The following RUNDC3B variants were observed in gnomAD, a reference collection of about 807,000 sequenced individuals.
RUNDC3B encodes RUN domain-containing protein 3B.
RUNDC3B carries 33 observed loss-of-function variants against 58.4 expected under a neutral mutation model. The ratio of observed to expected loss-of-function variants is 0.56; its 90% CI spans 0.43 to 0.75. The LOEUF is 0.75. Among genes scored for constraint, RUNDC3B ranks in the 30% least tolerant of loss-of-function variants. The pLI, the probability that RUNDC3B is intolerant of heterozygous loss-of-function variation, is 0.00. For synonymous variants in RUNDC3B, 193 were observed against 195.2 expected (o/e 0.99, Z 0.10); for missense variants, 501 against 535.7 (o/e 0.94, Z 0.64).
At chr7:87,798,036 C>T (rs1835906414) in intron 8 of RUNDC3B, among the ~76,000 whole-genome samples, 1 of 152,148 alleles carries the variant, frequency 6.6e-6, no homozygotes, top group Admixed American at 6.5e-5. Flanking sequence ...ACCTTGCATT[C>T]CACTGGTTTC....
chr7:87,718,742 T>G (rs1184109146), intron 4 of RUNDC3B, among the ~76,000 whole-genome samples: 1 of 152,196 alleles, frequency 6.6e-6, no homozygotes, highest in East Asian at 1.9e-4. Context: ...TATATAATCT[T>G]AGTCCTAGAA....
chr7:87,824,905 C>A (rs1027403959), intron 10 of RUNDC3B, among the ~76,000 whole-genome samples: 1 of 152,140 alleles, frequency 6.6e-6, no homozygotes, highest in Non-Finnish European at 1.5e-5. Context: ...GAAGAAATTT[C>A]TAAGCAACAA....
At chr7:87,678,313 A>G (rs1227702200) in intron 2 of RUNDC3B, among the ~76,000 whole-genome samples, 2 of 152,202 alleles carry the variant, frequency 1.3e-5, no homozygotes, top group Non-Finnish European at 2.9e-5. Flanking sequence ...CCAGGTTTGC[A>G]TGTATAGTAC....
chr7:87,728,628 C>G (rs1288240648), intron 4 of RUNDC3B, among the ~76,000 whole-genome samples: 1 of 152,198 alleles, frequency 6.6e-6, no homozygotes, highest in Non-Finnish European at 1.5e-5. Context: ...TCTCACTTCT[C>G]TCTGGGGTTC....
At position 87,832,106 on chromosome 7, in the gene RUNDC3B, G is replaced by A. The variant is rs1192543323; in HGVS notation, c.*2076G>A. The A allele has an allele frequency of 6.6e-6, 1 of 151,836 alleles. No homozygotes were observed. The highest frequency in any genetic ancestry group is 1.5e-5 in the Non-Finnish European group (1 of 67,868). 9.4% of individuals were successfully genotyped at this position (151,836 alleles called of 1,614,324 possible). On this transcript the variant is annotated 3_prime_UTR_variant, in exon 11 of 11. Coordinates refer to ENST00000394654, the MANE Select transcript of RUNDC3B (RefSeq NM_001134405.2). The stretch of plus-strand genomic sequence containing the variant: ...CTACAGAGTTCGTTTCACACTAAAG[G>A]TAGTTTGTTACTGTTTGCATGAGGA...
intron 2 of RUNDC3B, chr7:87,693,833 T>C (rs1025488308): frequency 4.2e-6 from 6 of 1,429,020 alleles, no homozygotes; most frequent in East Asian, 2.3e-5. Context: ...GTTGGGCTAT[T>C]CAGTTTGGAA....
chr7:87,795,546 C>T (rs1234812051), intron 8 of RUNDC3B, among the ~76,000 whole-genome samples: 1 of 151,998 alleles, frequency 6.6e-6, no homozygotes, highest in East Asian at 1.9e-4. Context: ...TAAATTAGTA[C>T]AACCACTATG....
chr7:87,634,618 C>G (rs908113544), intron 1 of RUNDC3B, among the ~76,000 whole-genome samples: 7 of 149,512 alleles, frequency 4.7e-5, no homozygotes, highest in African/African-American at 1.7e-4. Flanking sequence ...AAGAGTGAGA[C>G]TCTTGTCTCA....
At chr7:87,762,091 T>G (rs575070104) in intron 6 of RUNDC3B, among the ~76,000 whole-genome samples, 1 of 151,838 alleles carries the variant, frequency 6.6e-6, no homozygotes, top group South Asian at 2.1e-4. Context: ...TTATGAATAC[T>G]CTGGTTAAGA....
chr7:87,708,603 TA>T (rs1829810334), intron 3 of RUNDC3B, among the ~76,000 whole-genome samples: 2 of 152,300 alleles, frequency 1.3e-5, no homozygotes, highest in Admixed American at 1.3e-4. Context: ...GTCAGATATT[TA>T]TAATTTAATT....
intron 4 of RUNDC3B, among the ~76,000 whole-genome samples, chr7:87,720,523 T>C (rs1333649918): frequency 6.7e-6 from 1 of 149,560 alleles, no homozygotes; most frequent in African/African-American, 2.5e-5. Flanking sequence ...ATCACAAATT[T>C]AAGCAGAAGA....
At chr7:87,798,743 T>C (rs1319274557) in intron 8 of RUNDC3B, among the ~76,000 whole-genome samples, 1 of 152,224 alleles carries the variant, frequency 6.6e-6, no homozygotes, top group Non-Finnish European at 1.5e-5. Context: ...AAGGATAGTG[T>C]CAAGTTCTAA....
chr7:87,707,809 A>G (rs1829742816), intron 3 of RUNDC3B, among the ~76,000 whole-genome samples: 1 of 152,180 alleles, frequency 6.6e-6, no homozygotes. Context: ...ATTGCAGAGG[A>G]TTGAAATTGT....
At chr7:87,664,872 G>A (rs189832785) in intron 2 of RUNDC3B, among the ~76,000 whole-genome samples, 1 of 152,174 alleles carries the variant, frequency 6.6e-6, no homozygotes, top group East Asian at 1.9e-4. Flanking sequence ...GATTCAAGAA[G>A]CTTAGCAAAG....
At chr7:87,688,655 C>T (rs1827713663) in intron 2 of RUNDC3B, among the ~76,000 whole-genome samples, 2 of 151,726 alleles carry the variant, frequency 1.3e-5, no homozygotes, top group South Asian at 4.2e-4. Flanking sequence ...ACTTATTTTT[C>T]ATTTGAGACT....
At chr7:87,684,442 C>CA (rs1827238434) in intron 2 of RUNDC3B, among the ~76,000 whole-genome samples, 1 of 151,992 alleles carries the variant, frequency 6.6e-6, no homozygotes, top group South Asian at 2.1e-4. Flanking sequence ...TGTTAAGATG[C>CA]AGTAATCAGT....
chr7:87,702,901 A>G (rs1829218522), intron 3 of RUNDC3B, among the ~76,000 whole-genome samples: 1 of 152,194 alleles, frequency 6.6e-6, no homozygotes, highest in South Asian at 2.1e-4. Flanking sequence ...TGGAAAAGGT[A>G]TACTCAACAG....
At chr7:87,699,748 T>C (rs1446136191) in intron 2 of RUNDC3B, among the ~76,000 whole-genome samples, 3 of 152,118 alleles carry the variant, frequency 2.0e-5, no homozygotes, top group Non-Finnish European at 2.9e-5. Flanking sequence ...CAATAGAACA[T>C]TTGGTCATGA....
At chr7:87,717,861 T>C (rs1308525569) in intron 4 of RUNDC3B, among the ~76,000 whole-genome samples, 5 of 152,104 alleles carry the variant, frequency 3.3e-5, no homozygotes, top group Admixed American at 3.3e-4. Flanking sequence ...AAGTATGACA[T>C]TTATACCTAA....
Sources: gnomAD v4.1 joint callset for allele counts (sites outside exome capture counted in the v4.1 genomes callset) on GRCh38, gnomAD v4.1.1 for gene constraint, MANE v1.5 for transcripts, NCBI Gene and HGNC (gene_info 2026-07-23, HGNC 2026-07-21) for gene names.